TBC1D22A: variants seen among roughly 807,000 people sequenced by gnomAD.
The protein encoded by TBC1D22A is TBC1 domain family member 22A, also known as putative GTPase activator.
TBC1D22A carries 38 observed loss-of-function variants against 60.2 expected under a neutral mutation model. The ratio of observed to expected loss-of-function variants is 0.63; its 90% CI spans 0.49 to 0.83. The LOEUF is 0.83. Ranked by LOEUF, TBC1D22A falls within the 40% of genes least tolerant of loss-of-function variation. The probability of loss-of-function intolerance (pLI) is 0.00; values close to 1 mark genes in which losing one functional copy is unlikely to be tolerated. For missense variants in TBC1D22A, 628 were observed against 701.0 expected, an observed-to-expected ratio of 0.90 and a Z score of 1.18; for synonymous variants, 302 against 281.7, an observed-to-expected ratio of 1.07 and a Z score of -0.72.
chr22:46,838,539 A>G (rs563264927), intron 4 of TBC1D22A, among the ~76,000 whole-genome samples: 1 of 151,862 alleles, frequency 6.6e-6, no homozygotes, highest in South Asian at 2.1e-4. Context: ...AAGTGGAGGG[A>G]ACACTTCCCA....
At chr22:47,172,076 A>AGCCCAGTGT (rs2068501591) in intron 12 of TBC1D22A, among the ~76,000 whole-genome samples, 2 of 123,956 alleles carry the variant, frequency 1.6e-5, no homozygotes, top group Non-Finnish European at 3.5e-5. Context: ...ACTCCCAGTG[A>AGCCCAGTGT]GCCTACCCAG....
intron 8 of TBC1D22A, among the ~76,000 whole-genome samples, chr22:46,971,870 C>T (rs774267987): frequency 3.3e-5 from 5 of 152,208 alleles, no homozygotes; most frequent in Non-Finnish European, 5.9e-5. Flanking sequence ...CGGGCTCCTG[C>T]GCCAGCAGAG....
intron 11 of TBC1D22A, among the ~76,000 whole-genome samples, chr22:47,067,598 G>T (rs538283976): frequency 6.6e-5 from 10 of 152,326 alleles, no homozygotes; most frequent in African/African-American, 2.4e-4. Context: ...GTGGCTGGGC[G>T]TGTCTGCCCC....
At chr22:47,143,614 A>G (rs2067184156) in intron 12 of TBC1D22A, among the ~76,000 whole-genome samples, 1 of 152,210 alleles carries the variant, frequency 6.6e-6, no homozygotes, top group Non-Finnish European at 1.5e-5. Context: ...GTCCTGGGAA[A>G]TGCAGAGTTC....
intron 11 of TBC1D22A, among the ~76,000 whole-genome samples, chr22:47,105,156 TA>T (rs573281549): frequency 1.6e-4 from 23 of 146,414 alleles, no homozygotes; most frequent in South Asian, 4.4e-4. Flanking sequence ...AATAATATCA[TA>T]AAAAAAAAAC....
chr22:46,986,020 G>A (rs1386507696), intron 9 of TBC1D22A, among the ~76,000 whole-genome samples: 4 of 152,134 alleles, frequency 2.6e-5, no homozygotes, highest in Non-Finnish European at 4.4e-5. Flanking sequence ...ATATACCCAT[G>A]TTATGATTGA....
chr22:47,039,156 G>A (rs756909574), intron 11 of TBC1D22A, among the ~76,000 whole-genome samples: 2 of 152,122 alleles, frequency 1.3e-5, no homozygotes, highest in Non-Finnish European at 2.9e-5. Flanking sequence ...CTCCTAATAG[G>A]TATTAAAACT....
At chr22:46,931,145 T>A (rs996320994) in intron 8 of TBC1D22A, among the ~76,000 whole-genome samples, 1 of 152,208 alleles carries the variant, frequency 6.6e-6, no homozygotes, top group Non-Finnish European at 1.5e-5. Context: ...TTTTTATGCT[T>A]GCAGCTGATA....
rs751550045 is a variant in TBC1D22A at position 47,076,408 on chromosome 22, C to T, written c.1330-35100C>T. ...ACACACACACACACACACACACACA[C>T]ATATATATATATATATGTTTTCCCA... On this transcript the variant is annotated intron_variant, in intron 11 of 12. Transcript: ENST00000337137. Among the ~76,000 whole-genome samples, 747 of 101,648 alleles carry T rather than the reference C, an allele frequency of 7.3e-3. 5 individuals are homozygous for T. Among genetic ancestry groups the T allele is most frequent in the East Asian group, 0.013 (33 of 2,484 alleles). The allele number at this position is 101,648 out of a possible 152,430, so 66.7% of individuals were successfully genotyped here.
rs527458213 is a variant in TBC1D22A, at chr22:47,078,637, C to T, written c.1330-32871C>T. The stretch of plus-strand genomic sequence containing the variant: ...TTGCTATCAGTGTGATTCTTACCAT[C>T]GAGGTTTAGGGAACCTACCACCCCA... On this transcript the variant is annotated intron_variant, in intron 11 of 12. Transcript: ENST00000337137. Among the ~76,000 whole-genome samples the T allele has an allele frequency of 1.4e-4, 21 of 152,360 alleles. 1 individual carries two copies.
chr22:46,793,733 C>T lies in TBC1D22A; in HGVS notation c.352C>T (p.Pro118Ser), dbSNP rs113311478. The T allele has an allele frequency of 7.8e-4, 1,250 of 1,607,764 alleles. 6 individuals are homozygous for T. The African/African-American group carries it at 0.015, about 19-fold the overall frequency. Reference protein sequence around the residue: ...RQGRPTLQEGPGLQQKPRPEA... With the variant: ...RQGRPTLQEGSGLQQKPRPEA... ...GGGGCGGCCCACGCTGCAGGAGGGGCCAGGGCTTCAGCAGAAGCCCAGGCC... is the reference window on the plus strand; with the variant it reads ...GGGGCGGCCCACGCTGCAGGAGGGGTCAGGGCTTCAGCAGAAGCCCAGGCC... Residue 118 changes from proline to serine, a missense_variant, in exon 3 of 13, where the codon CCA (proline) becomes TCA (serine). Transcript: ENST00000337137.
At chr22:46,859,039 T>C (rs60789294) in intron 4 of TBC1D22A, among the ~76,000 whole-genome samples, 6,522 of 52,802 alleles carry the variant, frequency 0.12, 313 homozygotes, top group African/African-American at 0.22. Context: ...CGCGCAGTGC[T>C]GTGCCCCTTC....
intron 8 of TBC1D22A, among the ~76,000 whole-genome samples, chr22:46,970,836 G>C (rs933050245): frequency 2.0e-5 from 3 of 152,246 alleles, no homozygotes; most frequent in South Asian, 2.1e-4. Flanking sequence ...TTCCGCCTGG[G>C]CCATACACCC....
chr22:46,776,926 A>T (rs890599962), intron 1 of TBC1D22A, among the ~76,000 whole-genome samples: 2 of 151,772 alleles, frequency 1.3e-5, no homozygotes, highest in Admixed American at 1.3e-4. Context: ...TCAGCTGGGG[A>T]GTGACCCATC....
At chr22:46,967,648 T>A (rs1166955743) in intron 8 of TBC1D22A, among the ~76,000 whole-genome samples, 4 of 152,208 alleles carry the variant, frequency 2.6e-5, no homozygotes, top group Non-Finnish European at 5.9e-5. Flanking sequence ...CTGGAATTCT[T>A]TGAAATGAAA....
chr22:46,776,949 C>T (rs2083732156), intron 1 of TBC1D22A, among the ~76,000 whole-genome samples: 2 of 151,920 alleles, frequency 1.3e-5, no homozygotes, highest in Non-Finnish European at 2.9e-5. Context: ...CTGATGGGCA[C>T]AGGACGACAG....
At chr22:47,064,207 C>G (rs2063682003) in intron 11 of TBC1D22A, among the ~76,000 whole-genome samples, 1 of 152,260 alleles carries the variant, frequency 6.6e-6, no homozygotes, top group African/African-American at 2.4e-5. Context: ...GGCACCCGTG[C>G]TCTCTCTGTG....
At chr22:47,036,072 C>T (rs1306911397) in intron 10 of TBC1D22A, among the ~76,000 whole-genome samples, 1 of 152,044 alleles carries the variant, frequency 6.6e-6, no homozygotes, top group Non-Finnish European at 1.5e-5. Flanking sequence ...TCAGGGCAAG[C>T]CAGGATTAGG....
At chr22:46,987,376 T>G (rs1462541563) in intron 9 of TBC1D22A, among the ~76,000 whole-genome samples, 2 of 152,188 alleles carry the variant, frequency 1.3e-5, no homozygotes, top group African/African-American at 4.8e-5. Flanking sequence ...TAGGAGCTTG[T>G]TAGTAGATGC....
Sources: gnomAD v4.1 joint callset for allele counts (sites outside exome capture counted in the v4.1 genomes callset) on GRCh38, gnomAD v4.1.1 for gene constraint, MANE v1.5 for transcripts, NCBI Gene and HGNC (gene_info 2026-07-23, HGNC 2026-07-21) for gene names.